CTBP1: variants seen among roughly 807,000 people sequenced by gnomAD.
The protein encoded by CTBP1 is C-terminal binding protein 1.
In CTBP1, 11 loss-of-function variants were observed where a neutral mutation model predicts 42.1. That is an observed-to-expected ratio of 0.26 (90% CI 0.16 to 0.43). The LOEUF (loss-of-function observed/expected upper bound fraction) is 0.43. Ranked by LOEUF, CTBP1 falls within the 20% of genes least tolerant of loss-of-function variation. CTBP1 has a pLI of 1.00. For synonymous variants in CTBP1, 324 were observed against 277.1 expected, an observed-to-expected ratio of 1.17 and a Z score of -1.68; for missense variants, 399 against 624.3, an observed-to-expected ratio of 0.64 and a Z score of 3.85.
intron 6 of CTBP1, chr4:1,215,653 C>T: frequency 2.8e-6 from 1 of 363,292 alleles, no homozygotes; most frequent in South Asian, 2.8e-5. Flanking sequence ...CTGAACCTGG[C>T]AGCACGGAAG....
At chr4:1,216,606 A>G (rs909912999) in intron 5 of CTBP1, 2 of 280,902 alleles carry the variant, frequency 7.1e-6, no homozygotes. Context: ...CCACCCATCA[A>G]TGTTTCCGGC....
intron 6 of CTBP1, among the ~76,000 whole-genome samples, chr4:1,214,837 C>T (rs910630246): frequency 3.3e-5 from 5 of 152,232 alleles, no homozygotes; most frequent in Admixed American, 6.5e-5. Flanking sequence ...CCTCAGCCCA[C>T]GAGGTGGGAC....
At chr4:1,250,268 GGCCC>G, upstream of CTBP1, 1 of 213,952 alleles carries the variant, frequency 4.7e-6, no homozygotes. Flanking sequence ...GACAATGCTG[GGCCC>G]TCAGCCAGAC....
intron 7 of CTBP1, chr4:1,213,826 G>A (rs1326524467): frequency 3.6e-6 from 2 of 561,184 alleles, no homozygotes; most frequent in African/African-American, 1.9e-5. Flanking sequence ...GAGCCCAAGG[G>A]ATTTAATCTC....
intron 3 of CTBP1, among the ~76,000 whole-genome samples, chr4:1,228,919 C>T (rs1278931531): frequency 1.3e-5 from 2 of 152,236 alleles, no homozygotes; most frequent in African/African-American, 4.8e-5. Context: ...GCCCCCGTGT[C>T]GCCCAAGAAC....
chr4:1,225,603 G>A lies in CTBP1; in HGVS notation c.308-37C>T, dbSNP rs918252927. The stretch of plus-strand genomic sequence containing the variant: ...AGGACACGGCGGTCACCCCCGGGCC[G>A]GGCCCAGCCTCCGGGAGGACACCGG... On this transcript the variant is annotated intron_variant, in intron 4 of 9. Transcript: ENST00000382952. 2.2e-5 allele frequency: 33 copies of A among 1,521,544 alleles called. 1 individual carries two copies. Among genetic ancestry groups the A allele is most frequent in the South Asian group, 6.1e-5 (5 of 82,378 alleles). 94.3% of individuals were successfully genotyped at this position (1,521,544 alleles called of 1,614,324 possible).
intron 5 of CTBP1, among the ~76,000 whole-genome samples, chr4:1,220,886 A>C (rs919441609): frequency 6.6e-6 from 1 of 152,164 alleles, no homozygotes; most frequent in African/African-American, 2.4e-5. Flanking sequence ...AACACAGAGA[A>C]CCTGTTACCC....
At chr4:1,244,290 A>G (rs901917215) in intron 1 of CTBP1, 1 of 983,400 alleles carries the variant, frequency 1.0e-6, no homozygotes, top group Non-Finnish European at 1.2e-6. Context: ...GCCCCGGCAC[A>G]CTGGGGGTCA....
intron 3 of CTBP1, chr4:1,236,530 C>A: frequency 1.6e-6 from 1 of 626,442 alleles, no homozygotes; most frequent in South Asian, 1.8e-5. Flanking sequence ...ACAGGGCAAA[C>A]CCGGTGTCCA....
intron 1 of CTBP1, chr4:1,245,211 T>C (rs1390958028): frequency 4.1e-6 from 4 of 985,302 alleles, no homozygotes; most frequent in Non-Finnish European, 4.8e-6. Context: ...CCACGGGGCC[T>C]GCAGGGCCGC....
intron 9 of CTBP1, 167 bp downstream of exon 9, chr4:1,212,746 G>T: frequency 1.5e-6 from 1 of 653,806 alleles, no homozygotes; most frequent in South Asian, 1.9e-5. Context: ...CTTCCAAGAG[G>T]CCCTGGTTCT....
At chr4:1,229,507 T>A (rs1367079739) in intron 3 of CTBP1, among the ~76,000 whole-genome samples, 1 of 152,200 alleles carries the variant, frequency 6.6e-6, no homozygotes, top group Admixed American at 6.5e-5. Context: ...GGGCCCCAGG[T>A]ACTCCTGACG....
At chr4:1,248,164 C>T (rs1402232255) in intron 1 of CTBP1, among the ~76,000 whole-genome samples, 1 of 152,072 alleles carries the variant, frequency 6.6e-6, no homozygotes, top group Non-Finnish European at 1.5e-5. Flanking sequence ...CGCCCGTGCT[C>T]CCTGCTTCCG....
chr4:1,217,565 G>A (rs1487274158), intron 5 of CTBP1: 1 of 152,274 alleles, frequency 6.6e-6, no homozygotes, highest in African/African-American at 2.4e-5. Flanking sequence ...ACGACACGCT[G>A]TTTCCCACTG....
chr4:1,212,362 C>T lies in CTBP1; in HGVS notation c.1168G>A (p.Val390Ile), dbSNP rs899857673. 26 of 1,505,744 alleles carry T rather than the reference C, an allele frequency of 1.7e-5. No homozygotes were observed. In the Admixed American group the frequency reaches 2.2e-4, roughly 13 times the overall value. The allele number at this position is 1,505,744 out of a possible 1,614,324, so 93.3% of individuals were successfully genotyped here. ...TGIPAAVEGI[V>I]PSAMSLSHGL... ...TGGGACAGGGACATGGCGCTGGGGA[C>T]GATACCTTCCACAGCAGCTGGGATG... The change falls in exon 10 of 10, where the codon GTC becomes ATC. Residue 390 changes from valine to isoleucine, a missense_variant. By Grantham distance (29) the Val-to-Ile change is conservative. Coordinates refer to ENST00000382952, the MANE Select transcript of CTBP1 (RefSeq NM_001012614.2).
At chr4:1,249,436 A>C (rs1366091542), upstream of CTBP1, 3 of 153,362 alleles carry the variant, frequency 2.0e-5, no homozygotes, top group South Asian at 5.3e-4. Flanking sequence ...AAGCCGAGAC[A>C]GGGCCGCCCA....
chr4:1,228,328 C>G lies in CTBP1; in HGVS notation c.178G>C (p.Val60Leu). 7 of 1,613,914 alleles carry G rather than the reference C, an allele frequency of 4.3e-6. No individual in the cohort carries two copies. The South Asian group carries it at 7.7e-5, about 18-fold the overall frequency. The part of the protein sequence containing the change: ...EIHEKVLNEA[V>L]GALMYHTITL... ...ATGGTGTGGTACATCAGGGCCCCCA[C>G]AGCCTCGTTCAGGACCTGCAGCGAG... The change falls in exon 4 of 10, where the codon GTG (valine) becomes CTG (leucine). Residue 60 changes from valine to leucine, a missense_variant. By Grantham distance (32) the Val-to-Leu change is conservative (BLOSUM62 1). This residue lies in a region of CTBP1 where 309 missense variants were observed against 497.5 expected (regional missense o/e 0.62). Transcript: ENST00000382952.
chr4:1,212,733 C>A, intron 9 of CTBP1, 180 bp downstream of exon 9: 1 of 638,882 alleles, frequency 1.6e-6, no homozygotes, highest in Admixed American at 2.8e-5. Flanking sequence ...CCAGCCCAGG[C>A]TCCTTCCAAG....
chr4:1,247,174 C>G (rs3775092), intron 1 of CTBP1, among the ~76,000 whole-genome samples: 52,522 of 152,206 alleles, frequency 0.35, 10,662 homozygotes, highest in Non-Finnish European at 0.46. Context: ...GCCCACCTCT[C>G]AGAACTAACA....
Sources: gnomAD v4.1 joint callset for allele counts (sites outside exome capture counted in the v4.1 genomes callset) on GRCh38, gnomAD v4.1.1 for gene constraint, gnomAD v4.1.1 regional missense constraint, MANE v1.5 for transcripts, NCBI Gene and HGNC (gene_info 2026-07-23, HGNC 2026-07-21) for gene names.